The following TFDP2 variants were observed in gnomAD, a reference collection of about 807,000 sequenced individuals.
The protein encoded by TFDP2 is transcription factor Dp-2 (E2F dimerization partner 2).
In TFDP2, 17 loss-of-function variants were observed where a neutral mutation model predicts 59.3. The observed-to-expected ratio is 0.29, with a 90% confidence interval of 0.20 to 0.43. TFDP2 has a LOEUF of 0.43. TFDP2 is among the 20% of genes least tolerant of loss of function. TFDP2 has a pLI of 1.00. For missense variants in TFDP2, 391 were observed against 528.8 expected (o/e 0.74, Z 2.56); for synonymous variants, 180 against 194.7 (o/e 0.92, Z 0.63).
At chr3:141,987,538 C>T (rs140625206) in intron 6 of TFDP2, among the ~76,000 whole-genome samples, 4,318 of 145,664 alleles carry the variant, frequency 0.03, 187 homozygotes, top group African/African-American at 0.1. Flanking sequence ...CCAACTTAGC[C>T]TCCCAAAGTG....
intron 3 of TFDP2, among the ~76,000 whole-genome samples, chr3:142,017,998 A>C (rs1037718914): frequency 1.3e-5 from 2 of 150,070 alleles, no homozygotes; most frequent in African/African-American, 4.9e-5. Flanking sequence ...GCTGGAGTGC[A>C]GTGGCACGAT....
intron 3 of TFDP2, among the ~76,000 whole-genome samples, chr3:142,008,113 T>C (rs75836241): frequency 3.3e-5 from 5 of 152,080 alleles, no homozygotes; most frequent in African/African-American, 1.2e-4. Flanking sequence ...TGGGGAACAA[T>C]GAACAATACC....
intron 1 of TFDP2, among the ~76,000 whole-genome samples, chr3:142,107,468 A>G (rs374114326): frequency 9.9e-5 from 15 of 151,916 alleles, no homozygotes; most frequent in African/African-American, 3.6e-4. Flanking sequence ...TCCTGACCTC[A>G]TGATCCACCC....
chr3:142,138,243 C>T (rs1053799033), intron 1 of TFDP2, among the ~76,000 whole-genome samples: 2 of 152,020 alleles, frequency 1.3e-5, no homozygotes, highest in African/African-American at 2.4e-5. Context: ...TTTTTTATTG[C>T]ATCTACTTGA....
chr3:141,965,955 C>G lies in TFDP2; in HGVS notation c.733-1992G>C, dbSNP rs546446735. Among the ~76,000 whole-genome samples the G allele has an allele frequency of 7.5e-4, 114 of 151,976 alleles. 1 individual carries two copies. Among genetic ancestry groups the G allele is most frequent in the South Asian group, 2.9e-3 (14 of 4,820 alleles). The stretch of plus-strand genomic sequence containing the variant: ...CCTGCATAGCTTCTCTTCCCTTTTA[C>G]TAGAATACACATCTCAAGAGCTGTT... On this transcript the variant is annotated intron_variant, in intron 9 of 12. Transcript: ENST00000489671.
intron 2 of TFDP2, among the ~76,000 whole-genome samples, chr3:142,097,372 A>G (rs1387937957): frequency 2.6e-5 from 4 of 152,194 alleles, no homozygotes; most frequent in Non-Finnish European, 5.9e-5. Context: ...AAACTGGTGT[A>G]ATATCCATAC....
At position 142,009,751 on chromosome 3, in the gene TFDP2, A is replaced by G. The variant is rs555701758; in HGVS notation, c.83-4207T>C. Among the ~76,000 whole-genome samples the G allele has an allele frequency of 2.9e-4, 44 of 151,824 alleles. No homozygotes were observed. In the South Asian group the frequency reaches 7.5e-3, roughly 26 times the overall value. ...AAGAAAGAAAAAGAAAAAGAAATTG[A>G]CAAAACAAAAATTACAGTCCAGAAA... is the stretch of plus-strand genomic sequence containing the variant. On this transcript the variant is annotated intron_variant, in intron 3 of 12. Coordinates refer to ENST00000489671, the MANE Select transcript of TFDP2 (RefSeq NM_001178139.2).
chr3:141,993,721 G>A, intron 5 of TFDP2, 136 bp from the exon 6 acceptor site: 4 of 462,092 alleles, frequency 8.7e-6, no homozygotes, highest in South Asian at 9.1e-5. Flanking sequence ...ACAAAAGATA[G>A]GTACATAAAA....
At chr3:142,076,102 T>C (rs866730259) in intron 3 of TFDP2, among the ~76,000 whole-genome samples, 48 of 151,122 alleles carry the variant, frequency 3.2e-4, no homozygotes, top group Admixed American at 5.3e-4. Context: ...TCCCAGCTAC[T>C]TGGGAGGCTG....
intron 6 of TFDP2, among the ~76,000 whole-genome samples, chr3:141,988,675 T>C (rs1376234530): frequency 6.1e-5 from 9 of 148,070 alleles, no homozygotes; most frequent in Non-Finnish European, 1.1e-4. Flanking sequence ...TTTTCTTTTT[T>C]TTTTTTTTTT....
At chr3:142,024,580 T>C (rs1446095255) in intron 3 of TFDP2, among the ~76,000 whole-genome samples, 1 of 152,170 alleles carries the variant, frequency 6.6e-6, no homozygotes, top group Non-Finnish European at 1.5e-5. Context: ...GGCTAAATCA[T>C]TGACCTCTCT....
chr3:141,946,612 CAT>C lies in TFDP2; in HGVS notation c.*5899_*5900del, dbSNP rs1181789905. ...TTCTTTAGCATACTGTGGAGTGAGA[CAT>C]GTGGGAAAATCGGATCCCAGAGATT... is the stretch of plus-strand genomic sequence containing the variant. On this transcript the variant is annotated 3_prime_UTR_variant, in exon 13 of 13. Transcript: ENST00000489671. 3.9e-5 allele frequency: 6 copies of C among 152,294 alleles called. No individual in the cohort carries two copies. Among genetic ancestry groups the C allele is most frequent in the East Asian group, 1.9e-4 (1 of 5,182 alleles). The allele number at this position is 152,294 out of a possible 1,614,324, so 9.4% of individuals were successfully genotyped here. A position where few individuals can be genotyped will look rare whatever the true frequency, so the allele number is the denominator to read the frequency against.
At chr3:142,081,046 C>T (rs2060623203) in intron 3 of TFDP2, among the ~76,000 whole-genome samples, 1 of 152,192 alleles carries the variant, frequency 6.6e-6, no homozygotes, top group African/African-American at 2.4e-5. Flanking sequence ...TTCTTTTCTT[C>T]AGCACATGGA....
At chr3:142,087,331 A>G (rs2060834509) in intron 3 of TFDP2, among the ~76,000 whole-genome samples, 1 of 152,196 alleles carries the variant, frequency 6.6e-6, no homozygotes, top group Admixed American at 6.5e-5. Context: ...ACTGTAGGCA[A>G]CTGTAACACA....
intron 9 of TFDP2, among the ~76,000 whole-genome samples, chr3:141,967,447 C>G (rs991455705): frequency 6.6e-6 from 1 of 151,552 alleles, no homozygotes; most frequent in African/African-American, 2.4e-5. Flanking sequence ...CATGCGCCAC[C>G]ATGCCTGGCT....
At chr3:142,045,356 C>T (rs911041356) in intron 3 of TFDP2, among the ~76,000 whole-genome samples, 2 of 152,012 alleles carry the variant, frequency 1.3e-5, no homozygotes, top group Admixed American at 6.6e-5. Flanking sequence ...GACAGGATTT[C>T]GCCATGTTGG....
At chr3:142,054,684 C>G (rs2059679005) in intron 3 of TFDP2, among the ~76,000 whole-genome samples, 1 of 151,884 alleles carries the variant, frequency 6.6e-6, no homozygotes, top group South Asian at 2.1e-4. Context: ...AGGTTCAAAT[C>G]CCAGCTGATT....
chr3:142,063,024 G>A (rs937570502), intron 3 of TFDP2, among the ~76,000 whole-genome samples: 3 of 152,188 alleles, frequency 2.0e-5, no homozygotes, highest in African/African-American at 7.2e-5. Flanking sequence ...TCTGCTTCTA[G>A]ATATGAGTGC....
At position 141,944,681 on chromosome 3, in the gene TFDP2, A is replaced by G. The variant is rs1201169886; in HGVS notation, c.*7832T>C. 6.6e-6 allele frequency: 1 copy of G among 152,302 alleles called. No individual in the cohort carries two copies. The highest frequency in any genetic ancestry group is 1.9e-4 in the East Asian group (1 of 5,178). 9.4% of individuals were successfully genotyped at this position (152,302 alleles called of 1,614,324 possible). On this transcript the variant is annotated 3_prime_UTR_variant, in exon 13 of 13. Coordinates refer to ENST00000489671, the MANE Select transcript of TFDP2 (RefSeq NM_001178139.2). The stretch of plus-strand genomic sequence containing the variant: ...CATCCTAGGATCGCAAAACTGTAAA[A>G]TTCCCCCAGTCAACTCCACGGCAGG...
Sources: allele counts gnomAD v4.1 joint callset (sites outside exome capture counted in the v4.1 genomes callset), GRCh38; gene constraint gnomAD v4.1.1; transcripts MANE v1.5; gene names NCBI Gene and HGNC (gene_info 2026-07-23, HGNC 2026-07-21).